Variants in CALN1 observed in about 807,000 individuals in gnomAD.
The protein encoded by CALN1 is calcium-binding protein 8.
In CALN1, 17 loss-of-function variants were observed where a neutral mutation model predicts 30.6. The ratio of observed to expected loss-of-function variants is 0.56; its 90% CI spans 0.38 to 0.83. The LOEUF (loss-of-function observed/expected upper bound fraction) is 0.83, where lower values mean the gene tolerates loss of function less well. Among genes scored for constraint, CALN1 ranks in the 40% least tolerant of loss-of-function variants. The pLI, the probability that CALN1 is intolerant of heterozygous loss-of-function variation, is 0.00. For synonymous variants in CALN1, 156 were observed against 131.4 expected (o/e 1.19, Z -1.28); for missense variants, 291 against 354.9 (o/e 0.82, Z 1.45).
At chr7:72,355,634 T>C (rs1191897457) in intron 2 of CALN1, among the ~76,000 whole-genome samples, 1 of 152,170 alleles carries the variant, frequency 6.6e-6, no homozygotes, top group Admixed American at 6.6e-5. Context: ...TTCTGAAAAA[T>C]TCATTTTTGG....
chr7:71,951,121 G>C (rs1021191538), intron 5 of CALN1, among the ~76,000 whole-genome samples: 3 of 152,144 alleles, frequency 2.0e-5, no homozygotes, highest in Non-Finnish European at 4.4e-5. Context: ...CACATAGTAG[G>C]CTCTTAGTAA....
At chr7:72,385,311 AT>A (rs1270698939) in intron 2 of CALN1, among the ~76,000 whole-genome samples, 2 of 152,142 alleles carry the variant, frequency 1.3e-5, no homozygotes, top group African/African-American at 4.8e-5. Context: ...TACTCAACTC[AT>A]TTGAAAACAC....
chr7:72,438,522 C>G lies in CALN1; in HGVS notation c.-226+8520G>C, dbSNP rs534865318. Among the ~76,000 whole-genome samples, 50 of 152,302 alleles carry G rather than the reference C, an allele frequency of 3.3e-4. No homozygotes were observed. The South Asian group carries it at 0.01, about 31-fold the overall frequency. ...AATCCTTCCTTATGTTTTGCAAGGT[C>G]TTCTACCTGCCATCTTTTCTCCCTT... On this transcript the variant is annotated intron_variant, in intron 1 of 6. Transcript: ENST00000395276.
chr7:72,247,223 C>CTTTTTT (rs1795235414), intron 3 of CALN1, among the ~76,000 whole-genome samples: 1 of 43,490 alleles, frequency 2.3e-5, no homozygotes, highest in Non-Finnish European at 6.0e-5. Context: ...AGACCATTTT[C>CTTTTTT]TTTCTTTTTT....
the CALN1 span, among the ~76,000 whole-genome samples, chr7:72,460,855 G>A: frequency 6.6e-6 from 1 of 152,106 alleles, no homozygotes; most frequent in Admixed American, 6.6e-5. Flanking sequence ...GCCCCCTATA[G>A]AGGTTTTGCT....
chr7:71,986,648 G>T (rs1336194476), intron 5 of CALN1, among the ~76,000 whole-genome samples: 1 of 152,176 alleles, frequency 6.6e-6, no homozygotes. Context: ...GTGGGAAAAA[G>T]AGAAGAACTT....
chr7:72,011,364 C>A (rs768154848), intron 5 of CALN1, among the ~76,000 whole-genome samples: 1 of 152,070 alleles, frequency 6.6e-6, no homozygotes, highest in Non-Finnish European at 1.5e-5. Context: ...TGGCTGTAGC[C>A]ACCTCCCTGG....
Position 72,278,826 on chromosome 7 carries a change from C to A in CALN1, c.120-16G>T. On this transcript the variant is annotated splice_polypyrimidine_tract_variant and intron_variant, in intron 2 of 6. Transcript: ENST00000395275. ...CATCTTTTCCCTGCCCAAGAGAGAA[C>A]AGGGGAGGGGAAAAGAAAGACATCA... 1 of 1,599,510 alleles carries A rather than the reference C, an allele frequency of 6.3e-7. No homozygotes were observed. The highest frequency in any genetic ancestry group is 8.6e-7 in the Non-Finnish European group (1 of 1,167,846).
chr7:72,318,233 T>C (rs1188264457), intron 2 of CALN1, among the ~76,000 whole-genome samples: 3 of 152,222 alleles, frequency 2.0e-5, no homozygotes, highest in African/African-American at 7.2e-5. Flanking sequence ...AGAAACACCT[T>C]GATTTTACGT....
At position 72,324,559 on chromosome 7, in the gene CALN1, A is replaced by AATTT. The variant is rs10562818; in HGVS notation, c.120-45753_120-45750dup. On this transcript the variant is annotated intron_variant, in intron 2 of 6. Coordinates refer to ENST00000395275, the MANE Select transcript of CALN1 (RefSeq NM_031468.4). ...CTTTTTCCCTCCTTTTAAATGATGT[A>AATTT]ATTTATTTATTTATTTATTTATTTA... Among the ~76,000 whole-genome samples, 955 of 129,962 alleles carry AATTT rather than the reference A, an allele frequency of 7.3e-3. 11 individuals are homozygous for AATTT. Among genetic ancestry groups the AATTT allele is most frequent in the African/African-American group, 0.022 (822 of 37,062 alleles). 85.3% of individuals were successfully genotyped at this position (129,962 alleles called of 152,430 possible). A position where few individuals can be genotyped will look rare whatever the true frequency, so the allele number is the denominator to read the frequency against.
At chr7:72,185,377 C>G (rs1489937880) in intron 3 of CALN1, among the ~76,000 whole-genome samples, 1 of 152,062 alleles carries the variant, frequency 6.6e-6, no homozygotes, top group African/African-American at 2.4e-5. Context: ...TGGAGAAAAA[C>G]CAGAGATAGA....
At chr7:72,404,775 G>A (rs182808715) in intron 1 of CALN1, among the ~76,000 whole-genome samples, 1 of 152,196 alleles carries the variant, frequency 6.6e-6, no homozygotes, top group African/African-American at 2.4e-5. Context: ...GTAGAAAGCA[G>A]GAAGAAGGCT....
intron 5 of CALN1, among the ~76,000 whole-genome samples, chr7:71,820,572 T>A (rs142020935): frequency 1.3e-5 from 2 of 152,336 alleles, no homozygotes; most frequent in African/African-American, 4.8e-5. Flanking sequence ...AGCCCAAGTG[T>A]CTGCTATGGA....
At chr7:72,231,994 A>C (rs1257675396) in intron 3 of CALN1, among the ~76,000 whole-genome samples, 1 of 152,230 alleles carries the variant, frequency 6.6e-6, no homozygotes, top group Non-Finnish European at 1.5e-5. Flanking sequence ...AAGGAGCCTG[A>C]CAGGTGTGAA....
Position 72,060,988 on chromosome 7 carries a change from G to T in CALN1, c.389-37219C>A, listed in dbSNP as rs552307338. 3.3e-5 allele frequency among the ~76,000 whole-genome samples: 5 copies of T among 152,230 alleles called. No homozygotes were observed. In the South Asian group the frequency reaches 1.0e-3, roughly 32 times the overall value. ...CTCCATAGCAACAACTAACTCAATG[G>T]GACAAAATACTACACAGCTCCCAGA... is the stretch of plus-strand genomic sequence containing the variant. On this transcript the variant is annotated intron_variant, in intron 4 of 6. Coordinates refer to ENST00000395275, the MANE Select transcript of CALN1 (RefSeq NM_031468.4).
At chr7:72,166,049 AACTAAACATTT>A (rs1445950323) in intron 3 of CALN1, among the ~76,000 whole-genome samples, 1 of 152,140 alleles carries the variant, frequency 6.6e-6, no homozygotes, top group Non-Finnish European at 1.5e-5. Flanking sequence ...GAGGCTAGAG[AACTAAACATTT>A]ACTGTTCCAG....
At chr7:72,341,668 C>A (rs1363991347) in intron 2 of CALN1, among the ~76,000 whole-genome samples, 3 of 152,202 alleles carry the variant, frequency 2.0e-5, no homozygotes, top group African/African-American at 7.2e-5. Flanking sequence ...TCCCTTCCTG[C>A]CTGCGTAAAT....
chr7:72,203,144 C>T (rs1791558636), intron 3 of CALN1, among the ~76,000 whole-genome samples: 1 of 152,036 alleles, frequency 6.6e-6, no homozygotes, highest in African/African-American at 2.4e-5. Flanking sequence ...AATGAGAACA[C>T]ATGGACACAG....
At chr7:72,390,856 A>G (rs769696329) in intron 2 of CALN1, among the ~76,000 whole-genome samples, 1 of 152,228 alleles carries the variant, frequency 6.6e-6, no homozygotes, top group Non-Finnish European at 1.5e-5. Context: ...ATGCTTATGT[A>G]TAATACATTT....
Sources: allele counts gnomAD v4.1 joint callset (sites outside exome capture counted in the v4.1 genomes callset), GRCh38; gene constraint gnomAD v4.1.1; transcripts MANE v1.5; gene names NCBI Gene and HGNC (gene_info 2026-07-23, HGNC 2026-07-21).